CCDC175: variants seen among roughly 807,000 people sequenced by gnomAD.
CCDC175 encodes the protein coiled-coil domain-containing protein 175.
Under a neutral mutation model 114.6 loss-of-function variants are expected in CCDC175, and 100 were observed. The ratio of observed to expected loss-of-function variants is 0.87; its 90% CI spans 0.74 to 1.03. The LOEUF (loss-of-function observed/expected upper bound fraction) is 1.03. Ranked by LOEUF, CCDC175 falls within the 50% of genes least tolerant of loss-of-function variation. The pLI is 0.00. For synonymous variants in CCDC175, 306 were observed against 308.7 expected (o/e 0.99, Z 0.09); for missense variants, 880 against 917.8 (o/e 0.96, Z 0.53).
intron 13 of CCDC175, among the ~76,000 whole-genome samples, chr14:59,533,987 T>TCAAAAAAAAAA (rs1491214197): frequency 7.5e-6 from 1 of 133,606 alleles, no homozygotes; most frequent in African/African-American, 2.8e-5. Flanking sequence ...AGACCCCTTT[T>TCAAAAAAAAAA]AAAAAAAAAA....
chr14:59,519,182 G>A (rs1186937739), intron 17 of CCDC175, among the ~76,000 whole-genome samples: 1 of 152,114 alleles, frequency 6.6e-6, no homozygotes, highest in African/African-American at 2.4e-5. Flanking sequence ...TGGGTTATGA[G>A]GGAGGGATAG....
chr14:59,508,399 T>TACACACACACACACACAAACACACACAC (rs1892550719), intron 19 of CCDC175, among the ~76,000 whole-genome samples: 10 of 97,350 alleles, frequency 1.0e-4, no homozygotes, highest in Admixed American at 7.2e-4. Flanking sequence ...GTCTCCAAAA[T>TACACACACACACACACAAACACACACAC]ACACACACAC....
chr14:59,505,371 G>A, intron 19 of CCDC175, 56 bp from the exon 20 acceptor site: 3 of 907,768 alleles, frequency 3.3e-6, no homozygotes, highest in East Asian at 2.7e-5. Flanking sequence ...ACATTTGGGG[G>A]GTTATTAGTG....
chr14:59,516,038 G>T (rs981606542), intron 17 of CCDC175, among the ~76,000 whole-genome samples: 6 of 152,166 alleles, frequency 3.9e-5, no homozygotes, highest in Non-Finnish European at 8.8e-5. Context: ...CAACTACTTG[G>T]AAACTGAACA....
chr14:59,519,062 G>A (rs1345054191), intron 17 of CCDC175, among the ~76,000 whole-genome samples: 2 of 151,746 alleles, frequency 1.3e-5, no homozygotes, highest in Non-Finnish European at 2.9e-5. Flanking sequence ...GCAAACTATT[G>A]CAAGGACAAA....
intron 19 of CCDC175, 63 bp downstream of exon 19, chr14:59,510,583 T>C (rs1892682676): frequency 6.7e-6 from 10 of 1,483,690 alleles, no homozygotes; most frequent in Non-Finnish European, 9.1e-6. Flanking sequence ...CTTTTGATGT[T>C]ACCAGCTATA....
chr14:59,556,241 A>T (rs367704919), intron 7 of CCDC175, among the ~76,000 whole-genome samples: 6 of 152,256 alleles, frequency 3.9e-5, no homozygotes, highest in African/African-American at 1.2e-4. Context: ...CAAAACAGCA[A>T]GGTACTGGTA....
At chr14:59,507,372 G>T (rs961140844) in intron 19 of CCDC175, among the ~76,000 whole-genome samples, 3 of 152,206 alleles carry the variant, frequency 2.0e-5, no homozygotes, top group Non-Finnish European at 4.4e-5. Context: ...TTCTCACAGG[G>T]TATGCACTTT....
In CCDC175 at chr14:59,527,102, C is replaced by A; in HGVS notation, c.1835G>T (p.Ser612Ile). The A allele has an allele frequency of 6.9e-7, 1 of 1,439,038 alleles. No individual in the cohort carries two copies. The highest frequency in any genetic ancestry group is 2.6e-5 in the East Asian group (1 of 38,054). The allele number at this position is 1,439,038 out of a possible 1,614,324, so 89.1% of individuals were successfully genotyped here. A position where few individuals can be genotyped will look rare whatever the true frequency, so the allele number is the denominator to read the frequency against. ...AATGCATTGATCTTTTACCATGTTG[C>A]TAATGTATCTTGAAAAGTCCCTTGT... is the stretch of plus-strand genomic sequence containing the variant. ...LFTRDFSRYI[S>I]NMEDVKQELQ... Residue 612 changes from serine (S) to isoleucine (I), a missense_variant, in exon 15 of 20, where the codon AGC becomes ATC. Transcript: ENST00000537690.
chr14:59,567,934 G>A (rs904735476), intron 4 of CCDC175, among the ~76,000 whole-genome samples: 1 of 152,168 alleles, frequency 6.6e-6, no homozygotes, highest in Non-Finnish European at 1.5e-5. Flanking sequence ...CCCATTGTGT[G>A]TCTACCTTTG....
rs1566603665 is a variant in CCDC175 at position 59,527,082 on chromosome 14, A to C, written c.1842+13T>G. ...TAATAATAAAAAAAAGAATTAATGC[A>C]TTGATCTTTTACCATGTTGCTAATG... On this transcript the variant is annotated intron_variant, in intron 15 of 19. Transcript: ENST00000537690. 7.5e-7 allele frequency: 1 copy of C among 1,330,162 alleles called. No homozygotes were observed. The highest frequency in any genetic ancestry group is 2.7e-5 in the East Asian group (1 of 37,086). 82.4% of individuals were successfully genotyped at this position (1,330,162 alleles called of 1,614,324 possible).
chr14:59,546,895 TAG>T (rs1264276384), intron 8 of CCDC175, among the ~76,000 whole-genome samples: 1 of 152,062 alleles, frequency 6.6e-6, no homozygotes, highest in Non-Finnish European at 1.5e-5. Flanking sequence ...AACAAATATC[TAG>T]AGCTTCTCAA....
chr14:59,530,456 G>A (rs1238483502), intron 14 of CCDC175, among the ~76,000 whole-genome samples: 2 of 138,774 alleles, frequency 1.4e-5, no homozygotes, highest in Middle Eastern at 3.5e-3. Context: ...GGGGAGGGGA[G>A]AGGAGGGGAG....
intron 17 of CCDC175, 61 bp downstream of exon 17, chr14:59,521,513 T>A: frequency 1.2e-6 from 1 of 867,150 alleles, no homozygotes; most frequent in Non-Finnish European, 1.8e-6. Flanking sequence ...TATACATATA[T>A]CCTATTAGTT....
Position 59,511,335 on chromosome 14 carries a change from T to G in CCDC175, c.2142+425A>C, listed in dbSNP as rs114861503. 7.4e-3 allele frequency among the ~76,000 whole-genome samples: 1,123 copies of G among 152,136 alleles called. 15 individuals carry two copies. Among genetic ancestry groups the G allele is most frequent in the African/African-American group, 0.026 (1,060 of 41,506 alleles). On this transcript the variant is annotated intron_variant, in intron 18 of 19. Transcript: ENST00000537690. ...TACTTAGAAAGTGGCAGAGCCAGGA[T>G]TTTGACCCCAGCCTATCTGACTCTG... is the stretch of plus-strand genomic sequence containing the variant.
chr14:59,525,231 C>T lies in CCDC175; in HGVS notation c.1995+51G>A, dbSNP rs1027161944. On this transcript the variant is annotated intron_variant, in intron 16 of 19. Transcript: ENST00000537690. ...CTTTTCTCTTATAACTATTACAGGTCTAGTCAATTAATCAAAGCCATCATG... is the reference window on the plus strand; with the variant it reads ...CTTTTCTCTTATAACTATTACAGGTTTAGTCAATTAATCAAAGCCATCATG... The T allele has an allele frequency of 7.2e-6, 9 of 1,241,498 alleles. No individual in the cohort carries two copies. In the African/African-American group the frequency reaches 9.3e-5, roughly 13 times the overall value. The allele number at this position is 1,241,498 out of a possible 1,614,324, so 76.9% of individuals were successfully genotyped here.
intron 3 of CCDC175, among the ~76,000 whole-genome samples, chr14:59,569,099 C>T (rs1174987375): frequency 6.6e-6 from 1 of 152,236 alleles, no homozygotes; most frequent in Admixed American, 6.5e-5. Context: ...AAAGGATTAT[C>T]TCAGTGCATG....
chr14:59,564,391 T>C (rs1216761537), intron 5 of CCDC175: 2 of 153,260 alleles, frequency 1.3e-5, no homozygotes, highest in African/African-American at 2.4e-5. Context: ...TAGACCCTAA[T>C]GAACGATGTC....
chr14:59,512,298 C>T lies in CCDC175; in HGVS notation c.2099-495G>A, dbSNP rs111712722. ...ACACGAACAGCATAAAGGAGTAATA[C>T]TAGCTGAGCATCTCAGTGGCTGTCT... On this transcript the variant is annotated intron_variant, in intron 17 of 19. Transcript: ENST00000537690. 2.1e-3 allele frequency among the ~76,000 whole-genome samples: 319 copies of T among 152,346 alleles called. 1 individual carries two copies. The highest frequency in any genetic ancestry group is 6.9e-3 in the African/African-American group (286 of 41,580).
Sources: gnomAD v4.1 joint callset for allele counts (sites outside exome capture counted in the v4.1 genomes callset) on GRCh38, gnomAD v4.1.1 for gene constraint, MANE v1.5 for transcripts, NCBI Gene and HGNC (gene_info 2026-07-23, HGNC 2026-07-21) for gene names.